The following FSTL4 variants were observed in gnomAD, a reference collection of about 807,000 sequenced individuals.
FSTL4 encodes the protein follistatin like 4, also known as follistatin-related protein 4.
Under a neutral mutation model 78.2 loss-of-function variants are expected in FSTL4, and 28 were observed. The observed-to-expected ratio is 0.36, with a 90% CI of 0.27 to 0.49. FSTL4 has a LOEUF of 0.49. FSTL4 is among the 20% of genes least tolerant of loss of function. The pLI is 0.98. For synonymous variants in FSTL4, 422 were observed against 440.5 expected (o/e 0.96, Z 0.53); for missense variants, 922 against 1,084.9 (o/e 0.85, Z 2.11).
chr5:133,392,040 G>T (rs1272561401), intron 4 of FSTL4, among the ~76,000 whole-genome samples: 1 of 152,192 alleles, frequency 6.6e-6, no homozygotes, highest in Non-Finnish European at 1.5e-5. Flanking sequence ...GGACAGAAGG[G>T]TTCGAGCAGG....
chr5:133,259,915 A>AC (rs1752477871), intron 6 of FSTL4, among the ~76,000 whole-genome samples: 1 of 151,768 alleles, frequency 6.6e-6, no homozygotes, highest in East Asian at 2.0e-4. Flanking sequence ...AGGTCCAGGG[A>AC]CCCCACACAA....
intron 3 of FSTL4, among the ~76,000 whole-genome samples, chr5:133,544,360 A>C (rs1449993762): frequency 3.3e-5 from 5 of 152,078 alleles, no homozygotes; most frequent in Admixed American, 6.6e-5. Flanking sequence ...AATTTTATTC[A>C]AAGATATTTG....
the FSTL4 span, among the ~76,000 whole-genome samples, chr5:133,644,750 C>T: frequency 1.3e-5 from 2 of 152,162 alleles, no homozygotes; most frequent in Non-Finnish European, 2.9e-5. Context: ...ATACCCTGCC[C>T]TCTACCTGGG....
the FSTL4 span, among the ~76,000 whole-genome samples, chr5:133,684,456 C>T: frequency 4.6e-5 from 7 of 152,324 alleles, no homozygotes; most frequent in South Asian, 2.1e-4. Flanking sequence ...ACCTCCCAAG[C>T]GCAGAAAGGC....
intron 3 of FSTL4, among the ~76,000 whole-genome samples, chr5:133,438,567 G>A (rs1442299176): frequency 6.6e-6 from 1 of 152,186 alleles, no homozygotes; most frequent in Non-Finnish European, 1.5e-5. Flanking sequence ...GGAAGGAGGT[G>A]GATCTGGTGG....
the FSTL4 span, among the ~76,000 whole-genome samples, chr5:133,619,061 G>C: frequency 6.6e-6 from 1 of 152,136 alleles, no homozygotes; most frequent in Non-Finnish European, 1.5e-5. Context: ...CTTCAGCATG[G>C]TCTAAGCCAA....
the FSTL4 span, among the ~76,000 whole-genome samples, chr5:133,829,158 G>A: frequency 3.9e-5 from 6 of 152,204 alleles, no homozygotes; most frequent in Non-Finnish European, 8.8e-5. Flanking sequence ...GGGAGGCCAA[G>A]GTGGGAGGAT....
chr5:133,781,022 T>G, the FSTL4 span, among the ~76,000 whole-genome samples: 1 of 152,182 alleles, frequency 6.6e-6, no homozygotes, highest in African/African-American at 2.4e-5. Flanking sequence ...CCAACCCAGG[T>G]GCCGCCATGA....
intron 6 of FSTL4, among the ~76,000 whole-genome samples, chr5:133,293,628 G>T (rs777199838): frequency 6.3e-4 from 96 of 152,144 alleles, no homozygotes; most frequent in Non-Finnish European, 1.2e-3. Flanking sequence ...CTCCAAAACA[G>T]CTCCTGCAAG....
chr5:133,720,619 T>C, the FSTL4 span: 2 of 153,206 alleles, frequency 1.3e-5, no homozygotes, highest in Non-Finnish European at 2.9e-5. Flanking sequence ...GGAAAAAGAG[T>C]CATCATCTTT....
chr5:133,467,893 G>A (rs1030286524), intron 3 of FSTL4, among the ~76,000 whole-genome samples: 1 of 152,188 alleles, frequency 6.6e-6, no homozygotes, highest in African/African-American at 2.4e-5. Context: ...AAACACTCGG[G>A]TGGTTTAATT....
Position 133,408,535 on chromosome 5 carries a change from G to T in FSTL4, c.161-7549C>A, listed in dbSNP as rs562838796. ...CCACGCTGCTGTGGGGGAGCTGACC[G>T]AGCTGAGGATGCAGCTCCTCTTCAC... On this transcript the variant is annotated intron_variant, in intron 3 of 15. Transcript: ENST00000265342. Among the ~76,000 whole-genome samples the T allele has an allele frequency of 2.0e-5, 3 of 150,188 alleles. No individual in the cohort carries two copies. In the South Asian group the frequency reaches 6.4e-4, roughly 32 times the overall value.
At chr5:133,826,025 T>G in the FSTL4 span, among the ~76,000 whole-genome samples, 1 of 152,150 alleles carries the variant, frequency 6.6e-6, no homozygotes, top group Admixed American at 6.5e-5. Context: ...ACCACCAACT[T>G]CCTGCCACTG....
chr5:133,789,952 CATAA>C, the FSTL4 span, among the ~76,000 whole-genome samples: 1 of 152,160 alleles, frequency 6.6e-6, no homozygotes, highest in African/African-American at 2.4e-5. Flanking sequence ...TTTGGGGAGA[CATAA>C]ATATTTACCC....
At chr5:133,403,880 A>T (rs1390723124) in intron 3 of FSTL4, among the ~76,000 whole-genome samples, 1 of 152,130 alleles carries the variant, frequency 6.6e-6, no homozygotes, top group East Asian at 1.9e-4. Flanking sequence ...GTGTGTCCAG[A>T]TGGTAGTGAG....
chr5:133,822,294 T>C, the FSTL4 span, among the ~76,000 whole-genome samples: 8 of 152,166 alleles, frequency 5.3e-5, no homozygotes, highest in Non-Finnish European at 4.4e-5. Context: ...GATTAATTGT[T>C]AAGTTAGCCT....
intron 3 of FSTL4, among the ~76,000 whole-genome samples, chr5:133,507,257 T>C (rs942673008): frequency 3.9e-5 from 6 of 152,090 alleles, no homozygotes; most frequent in African/African-American, 1.4e-4. Context: ...TAAATATTAG[T>C]TTAGTTTAAT....
chr5:133,202,230 C>T (rs190308787), intron 14 of FSTL4, among the ~76,000 whole-genome samples, 188 bp from the exon 15 acceptor site: 78 of 152,258 alleles, frequency 5.1e-4, no homozygotes, highest in Non-Finnish European at 4.3e-4. Flanking sequence ...TAGGCAGGGA[C>T]CCATTCTTCC....
At chr5:133,512,722 A>T (rs1758760141) in intron 3 of FSTL4, among the ~76,000 whole-genome samples, 1 of 152,258 alleles carries the variant, frequency 6.6e-6, no homozygotes, top group African/African-American at 2.4e-5. Flanking sequence ...CAGAAGGAAG[A>T]GCAATGGCTT....
Sources: gnomAD v4.1 joint callset for allele counts (sites outside exome capture counted in the v4.1 genomes callset) on GRCh38, gnomAD v4.1.1 for gene constraint, MANE v1.5 for transcripts, NCBI Gene and HGNC (gene_info 2026-07-23, HGNC 2026-07-21) for gene names.